Variants in CD2 observed in about 807,000 individuals in gnomAD.
CD2 encodes CD2 molecule, also known as T-cell surface antigen CD2.
CD2 carries 18 observed loss-of-function variants against 23.2 expected under a neutral mutation model. The observed-to-expected ratio is 0.77, with a 90% CI of 0.54 to 1.15. The LOEUF is 1.15. CD2 is among the 50% of genes most tolerant of loss of function. The pLI is 0.00. For synonymous variants in CD2, 162 were observed against 151.9 expected (o/e 1.07, Z -0.49); for missense variants, 424 against 423.1 (o/e 1.00, Z -0.02).
chr1:116,756,458 T>C (rs1195572647), intron 2 of CD2, among the ~76,000 whole-genome samples: 1 of 152,134 alleles, frequency 6.6e-6, no homozygotes, highest in East Asian at 1.9e-4. Flanking sequence ...CTCCTTGTTA[T>C]ATATAAGAAA....
chr1:116,757,194 G>A (rs890247678), intron 2 of CD2, among the ~76,000 whole-genome samples: 8 of 151,788 alleles, frequency 5.3e-5, no homozygotes, highest in Admixed American at 4.6e-4. Flanking sequence ...ACGGGGTTTC[G>A]CCATGTTGGT....
At chr1:116,759,127 T>C (rs1651954269) in intron 2 of CD2, among the ~76,000 whole-genome samples, 1 of 152,214 alleles carries the variant, frequency 6.6e-6, no homozygotes, top group African/African-American at 2.4e-5. Flanking sequence ...GCAAACTTCG[T>C]GACCCAACCT....
intron 3 of CD2, 31 bp from the exon 4 acceptor site, chr1:116,764,453 C>T: frequency 1.2e-6 from 2 of 1,610,332 alleles, no homozygotes; most frequent in Non-Finnish European, 1.7e-6. Flanking sequence ...CTGGACCCCT[C>T]CCAGCCATCC....
intron 4 of CD2, among the ~76,000 whole-genome samples, chr1:116,768,196 T>C (rs1046400543): frequency 6.6e-6 from 1 of 152,196 alleles, no homozygotes; most frequent in African/African-American, 2.4e-5. Flanking sequence ...TCTCTGATCA[T>C]GGGAGCCCCA....
intron 3 of CD2, among the ~76,000 whole-genome samples, chr1:116,762,189 T>C (rs1652076166): frequency 1.3e-5 from 2 of 152,224 alleles, no homozygotes; most frequent in South Asian, 4.1e-4. Flanking sequence ...ATAAGTACGT[T>C]TCAGATATTG....
At position 116,768,474 on chromosome 1, in the gene CD2, G is replaced by A; in HGVS notation, c.747G>A (p.Leu249=). The change falls in exon 5 of 5, where the codon CTG becomes CTA. Residue 249 remains leucine, a synonymous_variant. Transcript: ENST00000369478. ...KQRSRRNDEE[L]ETRAHRVATE... ...GTTTTGTTGTTGCAGATGAGGAGCT[G>A]GAGACAAGAGCCCACAGAGTAGCTA... The A allele has an allele frequency of 6.2e-7, 1 of 1,613,548 alleles. No individual in the cohort carries two copies. The highest frequency in any genetic ancestry group is 8.5e-7 in the Non-Finnish European group (1 of 1,179,576).
intron 4 of CD2, 47 bp downstream of exon 4, chr1:116,764,653 C>T (rs1298019081): frequency 7.2e-7 from 1 of 1,394,826 alleles, no homozygotes; most frequent in Non-Finnish European, 1.0e-6. Context: ...GCAAAATCCC[C>T]ATGAAACAGC....
intron 4 of CD2, among the ~76,000 whole-genome samples, chr1:116,766,495 T>A (rs1317271234): frequency 6.6e-6 from 1 of 152,194 alleles, no homozygotes; most frequent in Admixed American, 6.5e-5. Context: ...GGACAATTTG[T>A]GTCTAAGTCA....
At position 116,768,788 on chromosome 1, in the gene CD2, G is replaced by C. The variant is rs1652304335; in HGVS notation, c.*5G>C. Reference sequence around the variant, plus strand: ...TTGTCCCCTTCCTCTAATTAAAAAAGATAGAAACTGTCTTTTTCAATAAAA... The same window carrying C: ...TTGTCCCCTTCCTCTAATTAAAAAACATAGAAACTGTCTTTTTCAATAAAA... On this transcript the variant is annotated 3_prime_UTR_variant, in exon 5 of 5. Transcript: ENST00000369478. 1 of 1,602,778 alleles carries C rather than the reference G, an allele frequency of 6.2e-7. No homozygotes were observed. Among genetic ancestry groups the C allele is most frequent in the Non-Finnish European group, 8.5e-7 (1 of 1,175,396 alleles).
intron 3 of CD2, among the ~76,000 whole-genome samples, chr1:116,761,106 C>A (rs1322505117): frequency 6.6e-6 from 1 of 152,106 alleles, no homozygotes; most frequent in African/African-American, 2.4e-5. Context: ...GGGAATGGAG[C>A]CCTTGAGGCC....
Position 116,768,597 on chromosome 1 carries a change from C to T in CD2, c.870C>T (p.Ser290=). 1.9e-6 allele frequency: 3 copies of T among 1,614,118 alleles called. No homozygotes were observed. Among genetic ancestry groups the T allele is most frequent in the Non-Finnish European group, 2.5e-6 (3 of 1,180,018 alleles). The change falls in exon 5 of 5, where the codon TCC becomes TCT. Residue 290 remains serine, a synonymous_variant. Transcript: ENST00000369478. ...CTCCTCCACCACCTGGTCATCGTTC[C>T]CAGGCACCTAGTCATCGTCCCCCGC... ...QHPPPPPGHR[S]QAPSHRPPPP...
At position 116,767,907 on chromosome 1, in the gene CD2, G is replaced by A. The variant is rs184752091; in HGVS notation, c.737-557G>A. ...GAGGAGGAGTTCTTTCCCTCCTAAG[G>A]CCAAGAACATAGGTCTTGAATTTCT... On this transcript the variant is annotated intron_variant, in intron 4 of 4. Transcript: ENST00000369478. Among the ~76,000 whole-genome samples, 801 of 152,254 alleles carry A rather than the reference G, an allele frequency of 5.3e-3. 7 individuals are homozygous for A. Among genetic ancestry groups the A allele is most frequent in the Non-Finnish European group, 7.3e-3 (496 of 68,010 alleles).
At chr1:116,756,217 G>C (rs374052588) in intron 2 of CD2, among the ~76,000 whole-genome samples, 1 of 152,052 alleles carries the variant, frequency 6.6e-6, no homozygotes, top group African/African-American at 2.4e-5. Context: ...CGCTGAAAAG[G>C]GCCTCTGATT....
chr1:116,759,865 A>G (rs1162324114), intron 2 of CD2, among the ~76,000 whole-genome samples: 16 of 152,320 alleles, frequency 1.1e-4, no homozygotes, highest in South Asian at 4.1e-4. Context: ...TGCTCCAGGA[A>G]CTTGGTGGGG....
At chr1:116,756,757 G>A (rs941792269) in intron 2 of CD2, among the ~76,000 whole-genome samples, 1 of 152,122 alleles carries the variant, frequency 6.6e-6, no homozygotes, top group Non-Finnish European at 1.5e-5. Flanking sequence ...GTGTGTGCAC[G>A]TCAATGTCAT....
At chr1:116,761,855 G>A (rs1388227160) in intron 3 of CD2, among the ~76,000 whole-genome samples, 2 of 152,144 alleles carry the variant, frequency 1.3e-5, no homozygotes, top group African/African-American at 4.8e-5. Flanking sequence ...TTTTGAGACA[G>A]GGTTTTGCTC....
intron 2 of CD2, among the ~76,000 whole-genome samples, chr1:116,759,244 G>T (rs1651957504): frequency 6.6e-6 from 1 of 152,126 alleles, no homozygotes; most frequent in African/African-American, 2.4e-5. Flanking sequence ...TTTAATTTCT[G>T]CATGCCTATA....
At chr1:116,763,284 G>T (rs180910976) in intron 3 of CD2, among the ~76,000 whole-genome samples, 6 of 152,332 alleles carry the variant, frequency 3.9e-5, no homozygotes, top group African/African-American at 1.4e-4. Context: ...GTTAAACTTG[G>T]TTTCTGAGCC....
chr1:116,762,044 G>T (rs1201712943), intron 3 of CD2, among the ~76,000 whole-genome samples: 1 of 151,904 alleles, frequency 6.6e-6, no homozygotes, highest in Admixed American at 6.6e-5. Context: ...TGCCCAGGCT[G>T]GTCTCGAACT....
Sources: allele counts gnomAD v4.1 joint callset (sites outside exome capture counted in the v4.1 genomes callset), GRCh38; gene constraint gnomAD v4.1.1; transcripts MANE v1.5; gene names NCBI Gene and HGNC (gene_info 2026-07-23, HGNC 2026-07-21).